The following ATP2C2 variants were observed in gnomAD, a reference collection of about 807,000 sequenced individuals.
ATP2C2 encodes calcium-transporting ATPase type 2C member 2.
A neutral mutation model predicts 110.8 loss-of-function variants in ATP2C2; 171 were observed. The observed-to-expected ratio is 1.54, with a 90% CI of 1.36 to 1.75. ATP2C2 has a LOEUF of 1.75. Ranked by LOEUF, ATP2C2 falls within the 40% of genes most tolerant of loss-of-function variation. The pLI is 0.00. For missense variants in ATP2C2, 1,963 were observed against 1,235.0 expected (o/e 1.59, Z -8.84); for synonymous variants, 804 against 508.4 (o/e 1.58, Z -7.82).
At chr16:84,439,597 C>G in intron 13 of ATP2C2, 73 bp downstream of exon 13, 1 of 1,330,528 alleles carries the variant, frequency 7.5e-7, no homozygotes, top group South Asian at 1.2e-5. Flanking sequence ...ACTAAGCACA[C>G]AATGTCTTCT....
chr16:84,462,060 G>A lies in ATP2C2; in HGVS notation c.2653G>A (p.Gly885Arg). The change falls in exon 26 of 27, where the codon GGG becomes AGG. Residue 885 changes from glycine (G) to arginine (R), a missense_variant. Physicochemically the swap from Gly to Arg is moderately radical, Grantham distance 125. Coordinates refer to ENST00000262429, the MANE Select transcript of ATP2C2 (RefSeq NM_014861.4). ...FLYSVLGSIL[G>R]QLAVIYIPPL... is the part of the protein sequence containing the mutation. Reference sequence around the variant, plus strand: ...CTACTCCGTCCTGGGGTCCATCCTGGGGCAGCTGGCGGTCATTTACATCCC... The same window carrying A: ...CTACTCCGTCCTGGGGTCCATCCTGAGGCAGCTGGCGGTCATTTACATCCC... The A allele has an allele frequency of 6.2e-7, 1 of 1,614,018 alleles. No homozygotes were observed. The highest frequency in any genetic ancestry group is 1.1e-5 in the South Asian group (1 of 91,080).
chr16:84,417,486 C>G (rs558115769), intron 7 of ATP2C2, among the ~76,000 whole-genome samples: 2 of 152,300 alleles, frequency 1.3e-5, no homozygotes, highest in African/African-American at 4.8e-5. Context: ...CTTGTGATTG[C>G]TTTTATTTTT....
At chr16:84,432,122 TATTTC>T (rs1394540991) in intron 11 of ATP2C2, among the ~76,000 whole-genome samples, 2 of 152,118 alleles carry the variant, frequency 1.3e-5, no homozygotes, top group African/African-American at 4.8e-5. Flanking sequence ...TTCTTTTTAT[TATTTC>T]AGTAGGCTTT....
At chr16:84,398,359 T>A in intron 1 of ATP2C2, 140 bp from the exon 2 acceptor site, 3 of 413,478 alleles carry the variant, frequency 7.3e-6, no homozygotes, top group Non-Finnish European at 1.2e-5. Flanking sequence ...TGAGCTGAGA[T>A]CATGACACTG....
At chr16:84,419,786 G>C (rs1907166699) in intron 7 of ATP2C2, among the ~76,000 whole-genome samples, 1 of 152,164 alleles carries the variant, frequency 6.6e-6, no homozygotes, top group South Asian at 2.1e-4. Flanking sequence ...CTGTGCTCGT[G>C]AGTTTATAGC....
At chr16:84,437,532 T>C (rs1232728203) in intron 11 of ATP2C2, among the ~76,000 whole-genome samples, 1 of 152,036 alleles carries the variant, frequency 6.6e-6, no homozygotes, top group Non-Finnish European at 1.5e-5. Context: ...TCTTTTTTCT[T>C]TTGAGATGGA....
chr16:84,390,652 G>A (rs1052158056), intron 1 of ATP2C2, among the ~76,000 whole-genome samples: 8 of 152,102 alleles, frequency 5.3e-5, no homozygotes, highest in Non-Finnish European at 1.2e-4. Context: ...CTGCTTCCTG[G>A]GCACAGGATT....
chr16:84,461,282 C>T, intron 24 of ATP2C2: 1 of 295,766 alleles, frequency 3.4e-6, no homozygotes, highest in Non-Finnish European at 6.4e-6. Flanking sequence ...GACCACACCA[C>T]AGATTGCCCA....
intron 23 of ATP2C2, chr16:84,460,281 C>G: frequency 3.3e-6 from 1 of 305,280 alleles, no homozygotes; most frequent in Non-Finnish European, 6.4e-6. Context: ...GGAGGCTGGT[C>G]TCTCTCAGCT....
intron 11 of ATP2C2, among the ~76,000 whole-genome samples, chr16:84,436,501 G>A (rs1344910720): frequency 6.6e-6 from 1 of 152,200 alleles, no homozygotes; most frequent in African/African-American, 2.4e-5. Flanking sequence ...GGTGTGGTGA[G>A]AGACAGTGGC....
chr16:84,460,532 A>T lies in ATP2C2; in HGVS notation c.2334-122A>T, dbSNP rs746443066. The T allele has an allele frequency of 2.4e-5, 34 of 1,408,878 alleles. 1 individual carries two copies. Among genetic ancestry groups the T allele is most frequent in the African/African-American group, 4.2e-5 (3 of 71,042 alleles). The allele number at this position is 1,408,878 out of a possible 1,614,324, so 87.3% of individuals were successfully genotyped here. A position where few individuals can be genotyped will look rare whatever the true frequency, so the allele number is the denominator to read the frequency against. The stretch of plus-strand genomic sequence containing the variant: ...GCAGGTGCGATGCCTGGGGGCGTTC[A>T]GCAAATGCCTGGCCCTGCCCCCTGT... On this transcript the variant is annotated intron_variant, in intron 23 of 26. Coordinates refer to ENST00000262429, the MANE Select transcript of ATP2C2 (RefSeq NM_014861.4).
intron 7 of ATP2C2, among the ~76,000 whole-genome samples, chr16:84,420,440 G>A (rs893930166): frequency 4.0e-5 from 6 of 150,666 alleles, no homozygotes; most frequent in African/African-American, 1.5e-4. Flanking sequence ...TCTTCCCGGG[G>A]TGGGGGTCAT....
chr16:84,408,304 C>A, intron 3 of ATP2C2, 101 bp from the exon 4 acceptor site: 1 of 1,134,030 alleles, frequency 8.8e-7, no homozygotes, highest in Non-Finnish European at 1.3e-6. Context: ...GAAGCCTGGC[C>A]CTGAACTGAG....
chr16:84,430,342 G>C (rs566291064), intron 11 of ATP2C2, among the ~76,000 whole-genome samples: 1 of 152,258 alleles, frequency 6.6e-6, no homozygotes, highest in African/African-American at 2.4e-5. Flanking sequence ...CAGGTGGACA[G>C]AGTAAAGTCA....
chr16:84,415,477 A>G lies in ATP2C2; in HGVS notation c.516-6A>G. On this transcript the variant is annotated splice_region_variant and splice_polypyrimidine_tract_variant and intron_variant, in intron 6 of 26. Transcript: ENST00000262429. Reference sequence around the variant, plus strand: ...ATGCTTTTGCTTTTTACCATGTCAAATGCAGCCTAAGAGAAGGAAAACTCC... The same window carrying G: ...ATGCTTTTGCTTTTTACCATGTCAAGTGCAGCCTAAGAGAAGGAAAACTCC... The G allele has an allele frequency of 1.2e-6, 2 of 1,613,726 alleles. No homozygotes were observed. Among genetic ancestry groups the G allele is most frequent in the Non-Finnish European group, 1.7e-6 (2 of 1,179,606 alleles).
At chr16:84,404,951 C>G (rs1309674425) in intron 2 of ATP2C2, 177 bp from the exon 3 acceptor site, 1 of 702,360 alleles carries the variant, frequency 1.4e-6, no homozygotes, top group Non-Finnish European at 2.6e-6. Flanking sequence ...GTGCCTTTTC[C>G]TCCTCTCTCT....
At chr16:84,423,843 T>C (rs1373811326) in intron 10 of ATP2C2, among the ~76,000 whole-genome samples, 1 of 152,230 alleles carries the variant, frequency 6.6e-6, no homozygotes, top group Admixed American at 6.5e-5. Context: ...CTAAGCAGGC[T>C]GTTCCTGGAC....
chr16:84,430,905 A>AC (rs1355888254), intron 11 of ATP2C2, among the ~76,000 whole-genome samples: 2 of 148,244 alleles, frequency 1.3e-5, no homozygotes, highest in Non-Finnish European at 3.0e-5. Flanking sequence ...CAGCAACCCA[A>AC]CCCCCCCACC....
rs750681653 is a variant in ATP2C2 at position 84,463,646 on chromosome 16, G to T, written c.2755G>T (p.Val919Phe). The change falls in exon 27 of 27, where the codon GTC becomes TTC. Residue 919 changes from valine to phenylalanine, a missense_variant. Physicochemically the swap from Val to Phe is conservative, Grantham distance 50. Transcript: ENST00000262429. Reference sequence around the variant, plus strand: ...GTTTTTAACTGGATTGGCCTCATCCGTCTTCATTTTGTCAGAGCTCCTCAA... The same window carrying T: ...GTTTTTAACTGGATTGGCCTCATCCTTCTTCATTTTGTCAGAGCTCCTCAA... The part of the protein sequence containing the change: ...LLFLTGLASS[V>F]FILSELLKLC... 8.1e-6 allele frequency: 13 copies of T among 1,614,176 alleles called. No homozygotes were observed. The highest frequency in any genetic ancestry group is 1.1e-5 in the Non-Finnish European group (13 of 1,180,020).
Sources: allele counts gnomAD v4.1 joint callset (sites outside exome capture counted in the v4.1 genomes callset), GRCh38; gene constraint gnomAD v4.1.1; transcripts MANE v1.5; gene names NCBI Gene and HGNC (gene_info 2026-07-23, HGNC 2026-07-21).